Variants in SNX29 observed in about 807,000 individuals in gnomAD.
The protein encoded by SNX29 is sorting nexin 29.
A neutral mutation model predicts 102.1 loss-of-function variants in SNX29; 78 were observed. The ratio of observed to expected loss-of-function variants is 0.76; its 90% confidence interval spans 0.64 to 0.92. The LOEUF (loss-of-function observed/expected upper bound fraction) is 0.92, where lower values mean the gene tolerates loss of function less well. Ranked by LOEUF, SNX29 falls within the 40% of genes least tolerant of loss-of-function variation. The probability of loss-of-function intolerance (pLI) is 0.00; values close to 1 mark genes in which losing one functional copy is unlikely to be tolerated. For missense variants in SNX29, 1,280 were observed against 1,061.7 expected (o/e 1.21, Z -2.86); for synonymous variants, 580 against 414.5 (o/e 1.40, Z -4.85).
chr16:12,372,502 C>A (rs781013248), intron 16 of SNX29: 10 of 152,144 alleles, frequency 6.6e-5, no homozygotes, highest in Non-Finnish European at 1.5e-4. Flanking sequence ...AGTTTGTCGT[C>A]GGTGGAAGAC....
chr16:12,441,078 C>G (rs2085779933), intron 18 of SNX29, among the ~76,000 whole-genome samples: 1 of 142,630 alleles, frequency 7.0e-6, no homozygotes, highest in Non-Finnish European at 1.5e-5. Context: ...GCATGCATCG[C>G]TACTTCATTC....
chr16:12,367,681 T>C (rs1339673165), intron 16 of SNX29, among the ~76,000 whole-genome samples: 1 of 152,260 alleles, frequency 6.6e-6, no homozygotes, highest in Non-Finnish European at 1.5e-5. Context: ...TTCTGCCGGG[T>C]GGCACTTGCC....
rs892346656 is a variant in SNX29, at chr16:12,393,870, A to G, written c.1900-4576A>G. On this transcript the variant is annotated intron_variant, in intron 16 of 20. Transcript: ENST00000566228. The stretch of plus-strand genomic sequence containing the variant: ...TTTGTTGATTTTTTCTAATAGGGCA[A>G]TCAGAGGCTGGTTGTCATGAGGTAG... 3.3e-5 allele frequency among the ~76,000 whole-genome samples: 5 copies of G among 152,350 alleles called. No individual in the cohort carries two copies. In the East Asian group the frequency reaches 5.8e-4, roughly 18 times the overall value.
At chr16:12,371,102 C>T (rs930518683) in intron 16 of SNX29, among the ~76,000 whole-genome samples, 48 of 152,182 alleles carry the variant, frequency 3.2e-4, no homozygotes, top group African/African-American at 1.1e-3. Context: ...CCCAGATATT[C>T]GAAAATGGAG....
intron 18 of SNX29, among the ~76,000 whole-genome samples, chr16:12,438,727 A>C (rs11859236): frequency 0.64 from 97,480 of 152,078 alleles, 32,760 homozygotes; most frequent in African/African-American, 0.86. Context: ...AAGCCCAGGG[A>C]CTTTTGAGCA....
chr16:11,994,565 T>C (rs867026409), intron 1 of SNX29, among the ~76,000 whole-genome samples: 1 of 152,230 alleles, frequency 6.6e-6, no homozygotes, highest in African/African-American at 2.4e-5. Flanking sequence ...AGTCTAGCCC[T>C]GGGTAAAGGT....
intron 7 of SNX29, among the ~76,000 whole-genome samples, chr16:12,051,550 T>C (rs1204981582): frequency 6.6e-6 from 1 of 152,310 alleles, no homozygotes; most frequent in African/African-American, 2.4e-5. Context: ...AAGTGAAGCA[T>C]TGAAGATCAT....
chr16:12,048,499 G>A lies in SNX29; in HGVS notation c.627G>A (p.Glu209=), dbSNP rs1567563202. 1.2e-6 allele frequency: 2 copies of A among 1,613,940 alleles called. No homozygotes were observed. Among genetic ancestry groups the A allele is most frequent in the Non-Finnish European group, 1.7e-6 (2 of 1,179,866 alleles). Residue 209 remains glutamate, a synonymous_variant, in exon 7 of 21, where the codon GAG becomes GAA. Coordinates refer to ENST00000566228, the MANE Select transcript of SNX29 (RefSeq NM_032167.5). ...STQNVTSLLK[E]STQGVSSLFR... is the part of the protein sequence containing the mutation. ...AGAACGTGACCTCCTTGCTGAAGGAGTCCACGCAAGGAGTGAGCAGCCTGT... is the reference window on the plus strand; with the variant it reads ...AGAACGTGACCTCCTTGCTGAAGGAATCCACGCAAGGAGTGAGCAGCCTGT...
intron 14 of SNX29, among the ~76,000 whole-genome samples, chr16:12,200,429 C>A (rs2076884359): frequency 6.6e-6 from 1 of 151,782 alleles, no homozygotes; most frequent in Admixed American, 6.6e-5. Flanking sequence ...TCCTTAAAGA[C>A]AAGCTCATAG....
chr16:12,247,059 C>G (rs553556273), intron 14 of SNX29, among the ~76,000 whole-genome samples: 2 of 152,204 alleles, frequency 1.3e-5, no homozygotes, highest in Admixed American at 1.3e-4. Flanking sequence ...GATCTTTATC[C>G]TAAGAAAGAT....
intron 19 of SNX29, among the ~76,000 whole-genome samples, chr16:12,486,621 G>A (rs2088247956): frequency 6.6e-6 from 1 of 152,224 alleles, no homozygotes; most frequent in African/African-American, 2.4e-5. Context: ...CCACAAGAAG[G>A]TCGGCTGTAG....
intron 16 of SNX29, among the ~76,000 whole-genome samples, chr16:12,394,907 A>G (rs2083664371): frequency 6.6e-6 from 1 of 152,038 alleles, no homozygotes; most frequent in Non-Finnish European, 1.5e-5. Context: ...GCCTTTGATG[A>G]TACTGGGTGG....
intron 11 of SNX29, 86 bp from the exon 12 acceptor site, chr16:12,126,547 T>C: frequency 7.2e-7 from 1 of 1,384,404 alleles, no homozygotes; most frequent in Non-Finnish European, 1.0e-6. Context: ...CAAGTCATCC[T>C]TAATAGCATA....
chr16:12,158,006 C>A (rs1435863993), intron 13 of SNX29, among the ~76,000 whole-genome samples: 10 of 152,106 alleles, frequency 6.6e-5, no homozygotes, highest in Admixed American at 6.5e-4. Flanking sequence ...TACATCACAG[C>A]ATCTGGTATA....
intron 11 of SNX29, among the ~76,000 whole-genome samples, chr16:12,118,567 C>T (rs1056176558): frequency 2.0e-5 from 3 of 151,952 alleles, no homozygotes; most frequent in Non-Finnish European, 4.4e-5. Context: ...CCGCCCACCT[C>T]GGCCTCCCAA....
intron 20 of SNX29, among the ~76,000 whole-genome samples, chr16:12,557,034 A>T (rs2078411769): frequency 1.1e-5 from 1 of 95,128 alleles, no homozygotes; most frequent in African/African-American, 4.1e-5. Context: ...CCGCCCCAAG[A>T]TGAGGTCTTG....
chr16:12,411,912 C>T (rs184013908), intron 18 of SNX29, among the ~76,000 whole-genome samples: 20 of 152,270 alleles, frequency 1.3e-4, no homozygotes, highest in Middle Eastern at 3.4e-3. Context: ...TGGAAGGAAA[C>T]GGAAAAAGAT....
chr16:12,560,252 A>C (rs755688645), intron 20 of SNX29, among the ~76,000 whole-genome samples: 6 of 152,120 alleles, frequency 3.9e-5, no homozygotes, highest in Admixed American at 6.6e-5. Context: ...CTGAAGCTTA[A>C]AAATATCAGG....
chr16:12,563,385 C>A (rs114079428), intron 20 of SNX29, among the ~76,000 whole-genome samples: 1 of 152,164 alleles, frequency 6.6e-6, no homozygotes, highest in Admixed American at 6.5e-5. Context: ...ATATTTTACC[C>A]GTAACCATGA....
Sources: allele counts gnomAD v4.1 joint callset (sites outside exome capture counted in the v4.1 genomes callset), GRCh38; gene constraint gnomAD v4.1.1; transcripts MANE v1.5; gene names NCBI Gene and HGNC (gene_info 2026-07-23, HGNC 2026-07-21).